Variants in TAF8 observed in about 807,000 individuals in gnomAD.
The protein encoded by TAF8 is transcription initiation factor TFIID subunit 8.
TAF8 carries 47 observed loss-of-function variants against 36.5 expected under a neutral mutation model. That is an observed-to-expected ratio of 1.29 (90% CI 1.02 to 1.64). The LOEUF (loss-of-function observed/expected upper bound fraction) is 1.64. Among genes scored for constraint, TAF8 ranks in the 40% most tolerant of loss-of-function variants. The probability of loss-of-function intolerance (pLI) is 0.00; values close to 1 mark genes in which losing one functional copy is unlikely to be tolerated. For missense variants in TAF8, 420 were observed against 407.6 expected (o/e 1.03, Z -0.26); for synonymous variants, 175 against 159.5 (o/e 1.10, Z -0.73).
chr6:42,079,674 G>C lies in TAF8; in HGVS notation c.*2129G>C. 1 of 741,962 alleles carries C rather than the reference G, an allele frequency of 1.3e-6. No individual in the cohort carries two copies. The highest frequency in any genetic ancestry group is 1.6e-6 in the Non-Finnish European group (1 of 608,814). The allele number at this position is 741,962 out of a possible 1,614,324, so 46.0% of individuals were successfully genotyped here. ...ACTCCCCGGGTTCAAGCAATTCTCA[G>C]AGTAGCTGGGATTACAGATGCCCGC... On this transcript the variant is annotated 3_prime_UTR_variant, in exon 9 of 9. Coordinates refer to ENST00000372977, the MANE Select transcript of TAF8 (RefSeq NM_138572.3).
chr6:42,075,772 A>T (rs2492930), intron 7 of TAF8, among the ~76,000 whole-genome samples: 15,287 of 152,220 alleles, frequency 0.1, 928 homozygotes, highest in African/African-American at 0.15. Context: ...GACTGCTCAT[A>T]CTTCCAGAAC....
chr6:42,051,541 G>A, intron 2 of TAF8, 28 bp downstream of exon 2: 1 of 1,608,666 alleles, frequency 6.2e-7, no homozygotes, highest in East Asian at 2.2e-5. Context: ...CTTGGCCTTG[G>A]AGTCAACCCC....
rs1765964977 is a variant in TAF8 at position 42,083,003 on chromosome 6, T to C, written c.*5458T>C. 6.6e-6 allele frequency: 1 copy of C among 152,180 alleles called. No individual in the cohort carries two copies. The highest frequency in any genetic ancestry group is 1.9e-4 in the East Asian group (1 of 5,200). The allele number at this position is 152,180 out of a possible 1,614,324, so 9.4% of individuals were successfully genotyped here. A position where few individuals can be genotyped will look rare whatever the true frequency, so the allele number is the denominator to read the frequency against. ...CTTTTTCTCCTTTGTTAAACAGTTA[T>C]TTAATTTTGAAGAGATAATATATGT... On this transcript the variant is annotated 3_prime_UTR_variant, in exon 9 of 9. Coordinates refer to ENST00000372977, the MANE Select transcript of TAF8 (RefSeq NM_138572.3).
In TAF8 at chr6:42,057,528, A is replaced by G. The variant is rs779528211; in HGVS notation, c.489+15A>G. The G allele has an allele frequency of 1.9e-5, 30 of 1,614,106 alleles. No individual in the cohort carries two copies. The highest frequency in any genetic ancestry group is 2.5e-5 in the Non-Finnish European group (29 of 1,179,994). ...TCAAAACTCCGGTGAGTGATGAAGC[A>G]CTGGGACTGCGCGTGGTGTAAAGCA... On this transcript the variant is annotated intron_variant, in intron 5 of 8. Transcript: ENST00000372977.
intron 2 of TAF8, among the ~76,000 whole-genome samples, chr6:42,055,059 G>A (rs1464942137): frequency 1.3e-5 from 2 of 151,896 alleles, no homozygotes; most frequent in Non-Finnish European, 2.9e-5. Context: ...AAGTGGCTAG[G>A]ATTACAGGCG....
chr6:42,064,210 C>T (rs1408905965), intron 5 of TAF8, among the ~76,000 whole-genome samples: 2 of 151,954 alleles, frequency 1.3e-5, no homozygotes, highest in Non-Finnish European at 2.9e-5. Context: ...TTAACAAGTA[C>T]AATATGTTCA....
chr6:42,071,292 T>C (rs1306560877), intron 7 of TAF8: 4 of 219,354 alleles, frequency 1.8e-5, no homozygotes, highest in Non-Finnish European at 2.7e-5. Context: ...TTGCTGAAGG[T>C]CTTATTTGCC....
At chr6:42,066,579 G>A (rs1224748039) in intron 6 of TAF8, 120 bp downstream of exon 6, 10 of 1,193,876 alleles carry the variant, frequency 8.4e-6, no homozygotes, top group Non-Finnish European at 1.2e-5. Flanking sequence ...GGTACAGCTT[G>A]CCTCTCAGAT....
intron 5 of TAF8, 111 bp from the exon 6 acceptor site, chr6:42,066,201 T>A (rs1172588146): frequency 7.3e-7 from 1 of 1,368,442 alleles, no homozygotes; most frequent in Non-Finnish European, 1.0e-6. Context: ...GTGCCTGGCC[T>A]GGTATTGGGT....
rs369144084 is a variant in TAF8, at chr6:42,051,340, T to C, written c.46-17T>C. Reference sequence around the variant, plus strand: ...CATCCTTCTCCTGTGGATGAAAATCTCTCTGCTGATTCACAGAGATCGGGA... The same window carrying C: ...CATCCTTCTCCTGTGGATGAAAATCCCTCTGCTGATTCACAGAGATCGGGA... On this transcript the variant is annotated splice_polypyrimidine_tract_variant and intron_variant, in intron 1 of 8. Transcript: ENST00000372977. 8.2e-5 allele frequency: 132 copies of C among 1,604,720 alleles called. 4 individuals carry two copies. The South Asian group carries it at 9.1e-4, about 11-fold the overall frequency.
chr6:42,057,295 AT>A, intron 4 of TAF8, 93 bp from the exon 5 acceptor site: 2 of 1,569,480 alleles, frequency 1.3e-6, no homozygotes, highest in Admixed American at 1.8e-5. Flanking sequence ...GAGGTCTGGC[AT>A]TTTTTTGAGA....
chr6:42,072,871 C>T lies in TAF8; in HGVS notation c.781-4229C>T, dbSNP rs577694603. ...CCCAGCAGCTAGGACTACAGGCGCC[C>T]GCCACCACGCCCGGCTAATTTTTTT... is the stretch of plus-strand genomic sequence containing the variant. On this transcript the variant is annotated intron_variant, in intron 7 of 8. Coordinates refer to ENST00000372977, the MANE Select transcript of TAF8 (RefSeq NM_138572.3). 1.9e-4 allele frequency among the ~76,000 whole-genome samples: 29 copies of T among 152,106 alleles called. No homozygotes were observed. In the East Asian group the frequency reaches 4.1e-3, roughly 21 times the overall value.
At chr6:42,062,046 C>A (rs1765209089) in intron 5 of TAF8, among the ~76,000 whole-genome samples, 1 of 152,092 alleles carries the variant, frequency 6.6e-6, no homozygotes, top group East Asian at 1.9e-4. Flanking sequence ...CTCTTCTCTC[C>A]CTCTCCTCTT....
At chr6:42,056,151 A>G (rs779712642) in intron 4 of TAF8, 137 bp downstream of exon 4, 19 of 639,704 alleles carry the variant, frequency 3.0e-5, no homozygotes, top group Non-Finnish European at 5.1e-5. Flanking sequence ...GGCTACCTAC[A>G]ATATAATCTT....
Position 42,078,967 on chromosome 6 carries a change from C to T in TAF8, c.*1422C>T, listed in dbSNP as rs755268920. 3 of 623,414 alleles carry T rather than the reference C, an allele frequency of 4.8e-6. No individual in the cohort carries two copies. The highest frequency in any genetic ancestry group is 6.0e-6 in the Non-Finnish European group (3 of 500,128). 38.6% of individuals were successfully genotyped at this position (623,414 alleles called of 1,614,324 possible). A position where few individuals can be genotyped will look rare whatever the true frequency, so the allele number is the denominator to read the frequency against. Reference sequence around the variant, plus strand: ...TGAAACCCCGTCTCTACTAAAAATACAAAAATTAGCCGGGTGTGGTTACTC... The same window carrying T: ...TGAAACCCCGTCTCTACTAAAAATATAAAAATTAGCCGGGTGTGGTTACTC... On this transcript the variant is annotated 3_prime_UTR_variant, in exon 9 of 9. Coordinates refer to ENST00000372977, the MANE Select transcript of TAF8 (RefSeq NM_138572.3).
rs1159544322 is a variant in TAF8, at chr6:42,081,375, AG to A, written c.*3831del. 6.6e-6 allele frequency: 1 copy of A among 151,308 alleles called. No individual in the cohort carries two copies. The highest frequency in any genetic ancestry group is 1.5e-5 in the Non-Finnish European group (1 of 67,874). The allele number at this position is 151,308 out of a possible 1,614,324, so 9.4% of individuals were successfully genotyped here. ...TTTTTTCTTTTTTTTTTGGAGACGG[AG>A]TCTCGCTCTGTCGCCCAGGCTGGAT... On this transcript the variant is annotated 3_prime_UTR_variant, in exon 9 of 9. Transcript: ENST00000372977.
Position 42,082,502 on chromosome 6 carries a change from C to G in TAF8, c.*4957C>G, listed in dbSNP as rs1442330603. 1 of 152,218 alleles carries G rather than the reference C, an allele frequency of 6.6e-6. No individual in the cohort carries two copies. Among genetic ancestry groups the G allele is most frequent in the African/African-American group, 2.4e-5 (1 of 41,428 alleles). 9.4% of individuals were successfully genotyped at this position (152,218 alleles called of 1,614,324 possible). On this transcript the variant is annotated 3_prime_UTR_variant, in exon 9 of 9. Coordinates refer to ENST00000372977, the MANE Select transcript of TAF8 (RefSeq NM_138572.3). ...TACAGGCATGTGCCACCACACCCAGCTAACTTTTGTATTTTTAGTAGAGAT... is the reference window on the plus strand; with the variant it reads ...TACAGGCATGTGCCACCACACCCAGGTAACTTTTGTATTTTTAGTAGAGAT...
Position 42,050,644 on chromosome 6 carries a change from C to T in TAF8, c.45+58C>T, listed in dbSNP as rs1035658233. 11 of 1,503,130 alleles carry T rather than the reference C, an allele frequency of 7.3e-6. No individual in the cohort carries two copies. The African/African-American group carries it at 1.4e-4, about 19-fold the overall frequency. 93.1% of individuals were successfully genotyped at this position (1,503,130 alleles called of 1,614,324 possible). A position where few individuals can be genotyped will look rare whatever the true frequency, so the allele number is the denominator to read the frequency against. On this transcript the variant is annotated intron_variant, in intron 1 of 8. Coordinates refer to ENST00000372977, the MANE Select transcript of TAF8 (RefSeq NM_138572.3). ...AGAGTTTGGGTATCCTGCAACTTTC[C>T]CCTCGACTGAGCAACAAGATAATGC...
At chr6:42,069,215 CTT>C (rs1185288546) in intron 7 of TAF8, among the ~76,000 whole-genome samples, 1 of 152,130 alleles carries the variant, frequency 6.6e-6, no homozygotes, top group African/African-American at 2.4e-5. Context: ...AGATTAGACA[CTT>C]TGCCATTTAC....
Sources: allele counts gnomAD v4.1 joint callset (sites outside exome capture counted in the v4.1 genomes callset), GRCh38; gene constraint gnomAD v4.1.1; transcripts MANE v1.5; gene names NCBI Gene and HGNC (gene_info 2026-07-23, HGNC 2026-07-21).